RBM25: variants seen among roughly 807,000 people sequenced by gnomAD.
RBM25 encodes RNA binding motif protein 25, also known as RNA-binding protein 25.
Under a neutral mutation model 120.7 loss-of-function variants are expected in RBM25, and 19 were observed. The ratio of observed to expected loss-of-function variants is 0.16; its 90% CI spans 0.11 to 0.23. The LOEUF (loss-of-function observed/expected upper bound fraction) is 0.23, where lower values mean the gene tolerates loss of function less well. Among genes scored for constraint, RBM25 ranks in the 10% least tolerant of loss-of-function variants. The pLI is 1.00. For synonymous variants in RBM25, 390 were observed against 326.7 expected, an observed-to-expected ratio of 1.19 and a Z score of -2.09; for missense variants, 605 against 1,041.5, an observed-to-expected ratio of 0.58 and a Z score of 5.77.
chr14:73,112,587 T>A (rs965578715), intron 17 of RBM25, among the ~76,000 whole-genome samples: 11 of 152,120 alleles, frequency 7.2e-5, no homozygotes, highest in Admixed American at 2.0e-4. Flanking sequence ...CTGTGCCATC[T>A]TCTTCTTGTC....
At position 73,111,010 on chromosome 14, in the gene RBM25, A is replaced by C. The variant is rs1187435479; in HGVS notation, c.1872A>C (p.Pro624=). The change falls in exon 15 of 19, where the codon CCA becomes CCC. Residue 624 remains proline (P), a synonymous_variant. Coordinates refer to ENST00000261973, the MANE Select transcript of RBM25 (RefSeq NM_021239.3). ...CTCTGAGGCCCATCAGCTCTGCTCCATCTGTTTCCTCTGCCAGTGGCAATG... is the reference window on the plus strand; with the variant it reads ...CTCTGAGGCCCATCAGCTCTGCTCCCTCTGTTTCCTCTGCCAGTGGCAATG... ...KPTLRPISSA[P]SVSSASGNAT... 1 of 1,614,200 alleles carries C rather than the reference A, an allele frequency of 6.2e-7. No individual in the cohort carries two copies.
At chr14:73,104,619 A>C (rs1896141165) in intron 10 of RBM25, among the ~76,000 whole-genome samples, 1 of 152,016 alleles carries the variant, frequency 6.6e-6, no homozygotes, top group Admixed American at 6.6e-5. Context: ...TGCCTGCCTC[A>C]GCCTCCCAAA....
At chr14:73,068,444 G>T in intron 1 of RBM25, 2 of 709,594 alleles carry the variant, frequency 2.8e-6, no homozygotes. Context: ...CAGACTACCA[G>T]CTGTATTATC....
At chr14:73,062,151 T>C (rs549370692) in intron 1 of RBM25, among the ~76,000 whole-genome samples, 2 of 151,604 alleles carry the variant, frequency 1.3e-5, no homozygotes, top group South Asian at 2.1e-4. Context: ...TCTTTAATCA[T>C]TGAAAATGGT....
At chr14:73,086,072 C>T (rs1416368926) in intron 5 of RBM25, among the ~76,000 whole-genome samples, 3 of 151,590 alleles carry the variant, frequency 2.0e-5, no homozygotes, top group African/African-American at 4.9e-5. Flanking sequence ...AATAGGTTTT[C>T]GGCCCCAGAC....
chr14:73,081,326 T>TG, intron 4 of RBM25, among the ~76,000 whole-genome samples: 1 of 152,056 alleles, frequency 6.6e-6, no homozygotes. Flanking sequence ...TTAGTAGAGA[T>TG]GGGGTTTTAC....
chr14:73,077,341 C>G, intron 3 of RBM25, 28 bp from the exon 4 acceptor site: 1 of 1,558,744 alleles, frequency 6.4e-7, no homozygotes, highest in South Asian at 1.2e-5. Flanking sequence ...ATTGCTGGAT[C>G]AATTTTTATT....
Position 73,077,411 on chromosome 14 carries a change from G to T in RBM25, c.199G>T (p.Ala67Ser), listed in dbSNP as rs143840737. The T allele has an allele frequency of 1.2e-6, 2 of 1,613,592 alleles. No individual in the cohort carries two copies. Among genetic ancestry groups the T allele is most frequent in the African/African-American group, 1.3e-5 (1 of 74,994 alleles). ...GTCTATGGTTGGAAAGCATTTGGGC[G>T]CAAGAAAGGATCATCCAGGCTTAAA... ...TVSMVGKHLG[A>S]RKDHPGLKAK... Residue 67 changes from alanine (A) to serine (S), a missense_variant, in exon 4 of 19, where the codon GCA (alanine) becomes TCA (serine). Ala to Ser is a moderately conservative substitution (Grantham distance 99, BLOSUM62 1). Around this residue, in one of 4 missense-constraint regions of RBM25, gnomAD observed 90 missense variants for 107.3 expected, o/e 0.84. Transcript: ENST00000261973.
intron 6 of RBM25, among the ~76,000 whole-genome samples, chr14:73,090,531 T>C (rs1021108953): frequency 3.3e-5 from 5 of 152,368 alleles, no homozygotes; most frequent in South Asian, 4.1e-4. Flanking sequence ...TCCATACTTA[T>C]AATTAACATG....
rs1895952767 is a variant in RBM25, at chr14:73,096,919, C to G, written c.548C>G (p.Ala183Gly). Residue 183 changes from alanine (A) to glycine (G), a missense_variant, in exon 7 of 19, where the codon GCA becomes GGA. Physicochemically the swap from Ala to Gly is moderately conservative, Grantham distance 60 (BLOSUM62 0). Around this residue, in one of 4 missense-constraint regions of RBM25, gnomAD observed 465 missense variants for 741.6 expected, o/e 0.63. Coordinates refer to ENST00000261973, the MANE Select transcript of RBM25 (RefSeq NM_021239.3). ...GAATTTGCTGTTTTGTTTAAGAATG[C>G]AAGGCCAGAAACTGTCACTAATGAC... ...KAKKKASNGN[A>G]RPETVTNDDE... 6.2e-7 allele frequency: 1 copy of G among 1,608,386 alleles called. No individual in the cohort carries two copies. The highest frequency in any genetic ancestry group is 1.3e-5 in the African/African-American group (1 of 74,590).
intron 1 of RBM25, among the ~76,000 whole-genome samples, chr14:73,067,134 G>T (rs888413214): frequency 2.8e-5 from 4 of 144,810 alleles, no homozygotes; most frequent in African/African-American, 1.0e-4. Context: ...CAATGGCACC[G>T]TCTCGGCTCA....
chr14:73,087,902 G>A (rs1325791289), intron 5 of RBM25, 99 bp from the exon 6 acceptor site: 2 of 1,179,990 alleles, frequency 1.7e-6, no homozygotes, highest in Admixed American at 2.6e-5. Flanking sequence ...AGTGGTCTTT[G>A]TATTAAAACA....
At chr14:73,074,185 A>G (rs1423442098) in intron 2 of RBM25, among the ~76,000 whole-genome samples, 1 of 152,116 alleles carries the variant, frequency 6.6e-6, no homozygotes, top group Admixed American at 6.6e-5. Context: ...TCATATATTT[A>G]TAGGCTCATA....
At chr14:73,059,457 T>C (rs1275885741) in intron 1 of RBM25, 1 of 152,190 alleles carries the variant, frequency 6.6e-6, no homozygotes, top group Non-Finnish European at 1.5e-5. Flanking sequence ...TAAATACGGT[T>C]TTCCGGAATA....
Position 73,095,279 on chromosome 14 carries a change from G to A in RBM25, c.544-1636G>A, listed in dbSNP as rs561186219. ...CGTTTTTCAATTTGGATTTTATTCCGTCTAAGTGCAGCATCTTTCTCACAG... is the reference window on the plus strand; with the variant it reads ...CGTTTTTCAATTTGGATTTTATTCCATCTAAGTGCAGCATCTTTCTCACAG... On this transcript the variant is annotated intron_variant, in intron 6 of 18. Coordinates refer to ENST00000261973, the MANE Select transcript of RBM25 (RefSeq NM_021239.3). Among the ~76,000 whole-genome samples, 8 of 152,206 alleles carry A rather than the reference G, an allele frequency of 5.3e-5. No individual in the cohort carries two copies. The East Asian group carries it at 7.7e-4, about 15-fold the overall frequency.
chr14:73,114,375 A>G (rs2140465232), intron 18 of RBM25, 42 bp downstream of exon 18: 3 of 1,476,312 alleles, frequency 2.0e-6, no homozygotes, highest in Non-Finnish European at 2.7e-6. Flanking sequence ...TTAATTTAAA[A>G]AAAGTTTTTG....
At chr14:73,068,318 T>C (rs1315524034) in intron 1 of RBM25, 2 of 772,768 alleles carry the variant, frequency 2.6e-6, no homozygotes, top group Non-Finnish European at 4.6e-6. Context: ...AAGGATTTCA[T>C]GGTTGGAAGG....
At chr14:73,100,621 C>G (rs1896037728) in intron 9 of RBM25, 2 of 272,792 alleles carry the variant, frequency 7.3e-6, no homozygotes, top group Non-Finnish European at 1.4e-5. Flanking sequence ...CTGGTTCTTA[C>G]TGATAGACTG....
intron 1 of RBM25, among the ~76,000 whole-genome samples, chr14:73,064,104 G>A (rs558513182): frequency 1.1e-4 from 16 of 151,324 alleles, no homozygotes; most frequent in African/African-American, 3.9e-4. Flanking sequence ...TCTTGGTGAG[G>A]CCTAATCGCT....
Sources: allele counts gnomAD v4.1 joint callset (sites outside exome capture counted in the v4.1 genomes callset), GRCh38; gene constraint gnomAD v4.1.1; regional missense constraint gnomAD v4.1.1; transcripts MANE v1.5; gene names NCBI Gene and HGNC (gene_info 2026-07-23, HGNC 2026-07-21).